RTN4RL1: variants seen among roughly 807,000 people sequenced by gnomAD.
RTN4RL1 encodes reticulon 4 receptor like 1.
RTN4RL1 carries 7 observed loss-of-function variants against 25.6 expected under a neutral mutation model. The ratio of observed to expected loss-of-function variants is 0.27; its 90% CI spans 0.16 to 0.51. The LOEUF is 0.51. RTN4RL1 is among the 20% of genes least tolerant of loss of function. RTN4RL1 has a pLI of 0.97. For synonymous variants in RTN4RL1, 297 were observed against 288.2 expected (o/e 1.03, Z -0.31); for missense variants, 500 against 615.6 (o/e 0.81, Z 1.99).
In RTN4RL1 at chr17:1,936,380, G is replaced by C. The variant is rs9902457; in HGVS notation, c.*116C>G. On this transcript the variant is annotated 3_prime_UTR_variant, in exon 2 of 2. Transcript: ENST00000331238. ...CCAGACGTCCAGACAGCAGCCGAAG[G>C]CTCTACCAGCCTTTTCCTGAAACCC... 1,057,850 of 1,445,642 alleles carry C rather than the reference G, an allele frequency of 0.73. 388,156 individuals are homozygous for C. Among genetic ancestry groups the C allele is most frequent in the African/African-American group, 0.76 (53,454 of 69,982 alleles). The allele number at this position is 1,445,642 out of a possible 1,614,324, so 89.6% of individuals were successfully genotyped here.
chr17:2,022,421 G>C (rs1032817753), intron 1 of RTN4RL1, among the ~76,000 whole-genome samples: 10 of 152,140 alleles, frequency 6.6e-5, no homozygotes, highest in Non-Finnish European at 8.8e-5. Context: ...CAAAATGCTG[G>C]GATTACAGCC....
chr17:1,960,339 A>G (rs117969637), intron 1 of RTN4RL1, among the ~76,000 whole-genome samples: 1,655 of 152,176 alleles, frequency 0.011, 22 homozygotes, highest in Non-Finnish European at 0.018. Flanking sequence ...AAGTGCTATC[A>G]TGTTACTTTC....
At chr17:1,964,116 G>C (rs1433599599) in intron 1 of RTN4RL1, among the ~76,000 whole-genome samples, 2 of 152,222 alleles carry the variant, frequency 1.3e-5, no homozygotes, top group Non-Finnish European at 2.9e-5. Context: ...CTCCGGAACA[G>C]TCTGGGGCTG....
At chr17:1,985,986 G>A (rs1311587788) in intron 1 of RTN4RL1, among the ~76,000 whole-genome samples, 1 of 152,074 alleles carries the variant, frequency 6.6e-6, no homozygotes. Context: ...ACAGTAGGAT[G>A]GCCCCAGCTA....
At chr17:1,980,926 C>CAAAAAAAAAAAAAAAAAAAAAA (rs71723916) in intron 1 of RTN4RL1, among the ~76,000 whole-genome samples, 2 of 87,148 alleles carry the variant, frequency 2.3e-5, no homozygotes, top group African/African-American at 4.7e-5. Context: ...GATTCTATCT[C>CAAAAAAAAAAAAAAAAAAAAAA]AAAAAAAAAA....
Position 1,936,955 on chromosome 17 carries a change from G to A in RTN4RL1, c.867C>T (p.His289=), listed in dbSNP as rs545275167. The A allele has an allele frequency of 1.3e-4, 205 of 1,608,326 alleles. No individual in the cohort carries two copies. The highest frequency in any genetic ancestry group is 1.6e-4 in the Non-Finnish European group (193 of 1,178,622). ...CCCTCAGCAGCTTCAGGTCCTGGCC[G>A]TGCCGCAGCCCAGGGGACACACAGG... is the stretch of plus-strand genomic sequence containing the variant. ...AVPCVSPGLR[H]GQDLKLLRAE... is the part of the protein sequence containing the mutation. Residue 289 remains histidine, a synonymous_variant, in exon 2 of 2, where the codon CAC becomes CAT. Transcript: ENST00000331238.
At position 1,936,603 on chromosome 17, in the gene RTN4RL1, T is replaced by C. The variant is rs1366735115; in HGVS notation, c.1219A>G (p.Arg407Gly). 3 of 1,586,674 alleles carry C rather than the reference T, an allele frequency of 1.9e-6. No homozygotes were observed. The highest frequency in any genetic ancestry group is 2.6e-6 in the Non-Finnish European group (3 of 1,167,452). Reference protein sequence around the residue: ...RPKRKGKCARRTPIRAPSGVQ... With the variant: ...RPKRKGKCARGTPIRAPSGVQ... The stretch of plus-strand genomic sequence containing the variant: ...CCGCTGGGGGCACGGATGGGGGTCC[T>C]GCGGGCACACTTGCCCTTCCTCTTG... Residue 407 changes from arginine (R) to glycine (G), a missense_variant, in exon 2 of 2, where the codon AGG becomes GGG. Arg to Gly is a moderately radical substitution (Grantham distance 125). Around this residue, in one of 2 missense-constraint regions of RTN4RL1, gnomAD observed 268 missense variants for 274.5 expected, o/e 0.98. Coordinates refer to ENST00000331238, the MANE Select transcript of RTN4RL1 (RefSeq NM_178568.4).
chr17:1,981,712 T>C (rs1039941150), intron 1 of RTN4RL1, among the ~76,000 whole-genome samples: 2 of 152,200 alleles, frequency 1.3e-5, no homozygotes, highest in African/African-American at 4.8e-5. Context: ...TGCCTCAGCC[T>C]GGACTGCTGT....
intron 1 of RTN4RL1, among the ~76,000 whole-genome samples, chr17:1,971,757 T>C (rs1459974330): frequency 6.6e-6 from 1 of 151,608 alleles, no homozygotes; most frequent in Non-Finnish European, 1.5e-5. Context: ...GGTCAGGAGA[T>C]CGAGACCATC....
chr17:1,976,508 CCA>C (rs2066843346), intron 1 of RTN4RL1, among the ~76,000 whole-genome samples: 1 of 152,200 alleles, frequency 6.6e-6, no homozygotes, highest in African/African-American at 2.4e-5. Context: ...GAAACGGGAC[CCA>C]CATCCTGGCC....
At chr17:1,967,906 G>C (rs1328286619) in intron 1 of RTN4RL1, among the ~76,000 whole-genome samples, 1 of 152,162 alleles carries the variant, frequency 6.6e-6, no homozygotes, top group Non-Finnish European at 1.5e-5. Flanking sequence ...CTCCCAAAGT[G>C]CTGGGATTAC....
intron 1 of RTN4RL1, among the ~76,000 whole-genome samples, chr17:1,976,224 G>A (rs968424573): frequency 1.3e-5 from 2 of 152,252 alleles, no homozygotes; most frequent in African/African-American, 4.8e-5. Flanking sequence ...GTCTTGCTGA[G>A]CCACGAGAAG....
At position 1,937,468 on chromosome 17, in the gene RTN4RL1, G is replaced by C. The variant is rs772791071; in HGVS notation, c.354C>G (p.Pro118=). The change falls in exon 2 of 2, where the codon CCC becomes CCG. Residue 118 remains proline (P), a synonymous_variant. Coordinates refer to ENST00000331238, the MANE Select transcript of RTN4RL1 (RefSeq NM_178568.4). ...GDNRQLRTLA[P]ETFQGLVKLH... ...GCTTCACCAGGCCCTGGAAGGTCTC[G>C]GGTGCCAGCGTCCGCAGCTGCCGGT... The C allele has an allele frequency of 6.2e-7, 1 of 1,613,822 alleles. No homozygotes were observed. Among genetic ancestry groups the C allele is most frequent in the Non-Finnish European group, 8.5e-7 (1 of 1,179,894 alleles).
At chr17:1,973,146 C>T (rs949330818) in intron 1 of RTN4RL1, among the ~76,000 whole-genome samples, 3 of 151,522 alleles carry the variant, frequency 2.0e-5, no homozygotes, top group Admixed American at 6.6e-5. Context: ...GCACATCACT[C>T]GAGATCAGGA....
At chr17:1,946,664 ATGTG>A (rs970584470) in intron 1 of RTN4RL1, among the ~76,000 whole-genome samples, 1 of 128,072 alleles carries the variant, frequency 7.8e-6, no homozygotes, top group African/African-American at 3.1e-5. Flanking sequence ...GTGTGTGTGC[ATGTG>A]TGTCTGTGTG....
At chr17:1,939,188 T>C (rs1317337781) in intron 1 of RTN4RL1, among the ~76,000 whole-genome samples, 2 of 151,384 alleles carry the variant, frequency 1.3e-5, no homozygotes, top group African/African-American at 4.9e-5. Flanking sequence ...CCGTCTCTAC[T>C]AAAAATACAA....
intron 1 of RTN4RL1, among the ~76,000 whole-genome samples, chr17:1,979,483 A>G (rs934985265): frequency 2.0e-5 from 3 of 147,824 alleles, no homozygotes; most frequent in African/African-American, 7.5e-5. Flanking sequence ...TCTAAAAAAA[A>G]GAAAAAAAAA....
At position 1,967,996 on chromosome 17, in the gene RTN4RL1, C is replaced by T. The variant is rs1011750369; in HGVS notation, c.14-30188G>A. Among the ~76,000 whole-genome samples, 7 of 152,172 alleles carry T rather than the reference C, an allele frequency of 4.6e-5. 1 individual carries two copies. Among genetic ancestry groups the T allele is most frequent in the Non-Finnish European group, 1.0e-4 (7 of 68,030 alleles). On this transcript the variant is annotated intron_variant, in intron 1 of 1. Transcript: ENST00000331238. ...AGGTCAAAGTCCCCTTGAAATCTCCCCCTCTCGGTTTCCTTGACACAACGC... is the reference window on the plus strand; with the variant it reads ...AGGTCAAAGTCCCCTTGAAATCTCCTCCTCTCGGTTTCCTTGACACAACGC...
chr17:2,006,995 T>C (rs2151324682), intron 1 of RTN4RL1, among the ~76,000 whole-genome samples: 1 of 152,148 alleles, frequency 6.6e-6, no homozygotes, highest in Non-Finnish European at 1.5e-5. Flanking sequence ...CCTGGAAAGA[T>C]GAAGGGTGTG....
Sources: gnomAD v4.1 joint callset for allele counts (sites outside exome capture counted in the v4.1 genomes callset) on GRCh38, gnomAD v4.1.1 for gene constraint, gnomAD v4.1.1 regional missense constraint, MANE v1.5 for transcripts, NCBI Gene and HGNC (gene_info 2026-07-23, HGNC 2026-07-21) for gene names.